CHD8: variants seen among roughly 807,000 people sequenced by gnomAD.
CHD8 encodes the protein chromodomain helicase DNA binding protein 8.
Under a neutral mutation model 279.2 loss-of-function variants are expected in CHD8, and 31 were observed. That is an observed-to-expected ratio of 0.11 (90% CI 0.08 to 0.15). The LOEUF is 0.15. Ranked by LOEUF, CHD8 falls within the 10% of genes least tolerant of loss-of-function variation. The pLI is 1.00. For synonymous variants in CHD8, 1,081 were observed against 1,139.6 expected, an observed-to-expected ratio of 0.95 and a Z score of 1.04; for missense variants, 2,146 against 3,230.5, an observed-to-expected ratio of 0.66 and a Z score of 8.14.
At chr14:21,393,045 G>A (rs538943980) in intron 33 of CHD8, 61 bp downstream of exon 33, 81 of 1,524,222 alleles carry the variant, frequency 5.3e-5, no homozygotes, top group Middle Eastern at 2.3e-4. Flanking sequence ...CTTTTTCCCC[G>A]GATATACTGT....
At chr14:21,420,571 T>G (rs61973179) in intron 5 of CHD8, among the ~76,000 whole-genome samples, 14,292 of 152,214 alleles carry the variant, frequency 0.094, 1,617 homozygotes, top group African/African-American at 0.27. Context: ...AGAATGGGTA[T>G]ATCTATCTTT....
intron 37 of CHD8, among the ~76,000 whole-genome samples, chr14:21,386,781 G>A (rs1887264298): frequency 6.6e-6 from 1 of 151,358 alleles, no homozygotes; most frequent in Non-Finnish European, 1.5e-5. Flanking sequence ...AGAGCTTGCA[G>A]TGAGCCGAGA....
chr14:21,390,974 C>T lies in CHD8; in HGVS notation c.7155G>A (p.Gln2385=). ...TTTTCCCATTTCTAGAGTTAGCTGT[C>T]TGTACTGGTTCCATTCCCAAACAGT... ...ELNCLGMEPV[Q]TANSRNGKKG... The change falls in exon 37 of 38, where the codon CAG becomes CAA. Residue 2385 remains glutamine (Q), a synonymous_variant. Coordinates refer to ENST00000646647, the MANE Select transcript of CHD8 (RefSeq NM_001170629.2). 6.2e-7 allele frequency: 1 copy of T among 1,600,974 alleles called. No homozygotes were observed. Among genetic ancestry groups the T allele is most frequent in the Non-Finnish European group, 8.5e-7 (1 of 1,171,780 alleles).
rs1445477716 is a variant in CHD8 at position 21,401,398 on chromosome 14, C to A, written c.4173+5G>T. On this transcript the variant is annotated splice_donor_5th_base_variant and intron_variant, in intron 21 of 37. Transcript: ENST00000646647. ...GATACTTCCTCCCTAAAAGAAGAAA[C>A]TCACCTTGCTGTTGAGCAGATCCAT... The A allele has an allele frequency of 6.4e-7, 1 of 1,553,688 alleles. No individual in the cohort carries two copies. Among genetic ancestry groups the A allele is most frequent in the Admixed American group, 2.0e-5 (1 of 49,730 alleles).
chr14:21,444,701 T>A (rs1638595977), intron 1 of CHD8, among the ~76,000 whole-genome samples: 1 of 151,960 alleles, frequency 6.6e-6, no homozygotes, highest in African/African-American at 2.4e-5. Context: ...TTAACCACTT[T>A]TTTAAAAAAA....
At chr14:21,401,346 A>C in intron 21 of CHD8, 57 bp downstream of exon 21, 2 of 1,026,518 alleles carry the variant, frequency 1.9e-6, no homozygotes, top group Non-Finnish European at 2.9e-6. Flanking sequence ...AGCTGTAAAG[A>C]CTCCCGAAAG....
rs1312367176 is a variant in CHD8 at position 21,386,129 on chromosome 14, A to G, written c.7230T>C (p.Ile2410=). 2 of 1,553,292 alleles carry G rather than the reference A, an allele frequency of 1.3e-6. No individual in the cohort carries two copies. The highest frequency in any genetic ancestry group is 2.4e-5 in the East Asian group (1 of 41,066). Residue 2410 remains isoleucine, a synonymous_variant, in exon 38 of 38, where the codon ATT becomes ATC. Coordinates refer to ENST00000646647, the MANE Select transcript of CHD8 (RefSeq NM_001170629.2). The stretch of plus-strand genomic sequence containing the variant: ...CCCGCTTCTTGCTGCTCTCTGGTGC[A>G]ATAGGCCCTGGCAAAACCCGGTTGA... ...TVFNRVLPGP[I]APESSKKRAR... is the part of the protein sequence containing the mutation.
chr14:21,403,598 G>C lies in CHD8; in HGVS notation c.3373C>G (p.Leu1125Val), dbSNP rs1297330993. The C allele has an allele frequency of 6.2e-7, 1 of 1,611,268 alleles. No individual in the cohort carries two copies. The highest frequency in any genetic ancestry group is 8.5e-7 in the Non-Finnish European group (1 of 1,178,592). ...CCGGCTGAACGAACCATGGCCTGCA[G>C]GTGAAAGTCATGAGGTATAATATGG... ...ACHIIPHDFH[L>V]QAMVRSAGKL... is the part of the protein sequence containing the mutation. Residue 1125 changes from leucine to valine, a missense_variant, in exon 17 of 38, where the codon CTG becomes GTG. Transcript: ENST00000646647. The surrounding 1 kb of genome is among the most constrained non-coding windows in gnomAD (Gnocchi z 4.3).
intron 30 of CHD8, 86 bp from the exon 31 acceptor site, chr14:21,394,571 GA>G: frequency 1.1e-5 from 2 of 188,092 alleles, no homozygotes; most frequent in Non-Finnish European, 1.7e-5. Context: ...ATGTGTTTTA[GA>G]ATATCTGAAA....
At chr14:21,434,123 G>A (rs533428971) in intron 1 of CHD8, among the ~76,000 whole-genome samples, 57 of 139,308 alleles carry the variant, frequency 4.1e-4, no homozygotes, top group African/African-American at 1.5e-3. Context: ...TCGGCTCACC[G>A]CAACCTCTAC....
rs759755299 is a variant in CHD8 at position 21,399,643 on chromosome 14, C to T, written c.4880G>A (p.Ser1627Asn). The change falls in exon 26 of 38, where the codon AGT (serine) becomes AAT (asparagine). Residue 1627 changes from serine to asparagine, a missense_variant. Ser to Asn is a conservative substitution (Grantham distance 46). Coordinates refer to ENST00000646647, the MANE Select transcript of CHD8 (RefSeq NM_001170629.2). ...QLEVPTTWWD[S>N]EADKSLLIGV... ...AATGAGCAGCGACTTGTCAGCCTCA[C>T]TGTCCCACCAAGTTGTTGGAACCTC... 9 of 1,613,684 alleles carry T rather than the reference C, an allele frequency of 5.6e-6. No homozygotes were observed. In the East Asian group the frequency reaches 1.8e-4, roughly 32 times the overall value.
chr14:21,407,225 A>G (rs1210878085), intron 13 of CHD8, among the ~76,000 whole-genome samples, 193 bp from the exon 14 acceptor site: 2 of 152,172 alleles, frequency 1.3e-5, no homozygotes, highest in Admixed American at 1.3e-4. Flanking sequence ...CTTCCTCAAC[A>G]TATTCAGCTT....
intron 9 of CHD8, 35 bp downstream of exon 9, chr14:21,414,266 G>C (rs191496918): frequency 1.9e-6 from 2 of 1,063,036 alleles, no homozygotes; most frequent in East Asian, 5.1e-5. Context: ...GTGCTTCTGT[G>C]AAAGAAATGA....
At chr14:21,392,290 A>C (rs754779015) in intron 34 of CHD8, 25 of 764,230 alleles carry the variant, frequency 3.3e-5, no homozygotes, top group Non-Finnish European at 5.5e-5. Context: ...TAATTTAAGA[A>C]ACTTTTGTTG....
At chr14:21,435,416 G>A (rs1312734154) in intron 1 of CHD8, among the ~76,000 whole-genome samples, 1 of 152,146 alleles carries the variant, frequency 6.6e-6, no homozygotes, top group Non-Finnish European at 1.5e-5. Flanking sequence ...ACAAACTGAT[G>A]TTCTTCTGCA....
intron 36 of CHD8, 26 bp from the exon 37 acceptor site, chr14:21,391,089 T>A: frequency 7.3e-7 from 1 of 1,361,024 alleles, no homozygotes; most frequent in South Asian, 1.2e-5. Flanking sequence ...TCAGTTATCC[T>A]AGAGGAATAG....
At chr14:21,441,151 A>G (rs1235889634) in intron 1 of CHD8, among the ~76,000 whole-genome samples, 1 of 152,172 alleles carries the variant, frequency 6.6e-6, no homozygotes, top group East Asian at 1.9e-4. Flanking sequence ...ACCCAGGACC[A>G]ACCAGTTAGA....
chr14:21,439,991 A>G (rs761647563), intron 1 of CHD8, among the ~76,000 whole-genome samples: 2 of 152,224 alleles, frequency 1.3e-5, no homozygotes, highest in Non-Finnish European at 2.9e-5. Context: ...GTAATCTGCT[A>G]GCATTAGGGA....
At chr14:21,387,388 T>G (rs1049021170) in intron 37 of CHD8, among the ~76,000 whole-genome samples, 8 of 152,076 alleles carry the variant, frequency 5.3e-5, no homozygotes, top group African/African-American at 1.9e-4. Flanking sequence ...TCCCAGCACT[T>G]TGGGAGGCTG....
Sources: allele counts gnomAD v4.1 joint callset (sites outside exome capture counted in the v4.1 genomes callset), GRCh38; gene constraint gnomAD v4.1.1; non-coding constraint Gnocchi (gnomAD v3.1); transcripts MANE v1.5; gene names NCBI Gene and HGNC (gene_info 2026-07-23, HGNC 2026-07-21).